Variants in MAML3 observed in about 807,000 individuals in gnomAD.
The protein encoded by MAML3 is mastermind-like protein 3.
In MAML3, 27 loss-of-function variants were observed where a neutral mutation model predicts 101.9. The observed-to-expected ratio is 0.27, with a 90% CI of 0.20 to 0.37. The LOEUF is 0.37. Among genes scored for constraint, MAML3 ranks in the 10% least tolerant of loss-of-function variants. MAML3 has a pLI of 1.00. For missense variants in MAML3, 1,316 were observed against 1,444.9 expected, an observed-to-expected ratio of 0.91 and a Z score of 1.45; for synonymous variants, 501 against 555.9, an observed-to-expected ratio of 0.90 and a Z score of 1.39.
intron 2 of MAML3, among the ~76,000 whole-genome samples, chr4:139,812,058 C>A (rs1730806667): frequency 6.6e-6 from 1 of 152,080 alleles, no homozygotes; most frequent in Non-Finnish European, 1.5e-5. Flanking sequence ...GAGTTAGAGA[C>A]CAGCCTGGCA....
chr4:139,911,923 A>C (rs575198533), intron 1 of MAML3, among the ~76,000 whole-genome samples: 7 of 152,232 alleles, frequency 4.6e-5, no homozygotes, highest in Non-Finnish European at 1.0e-4. Flanking sequence ...GCCTGGAAAG[A>C]CTAAAACATA....
intron 1 of MAML3, among the ~76,000 whole-genome samples, chr4:140,136,666 C>A (rs912449443): frequency 6.6e-6 from 1 of 152,182 alleles, no homozygotes; most frequent in Non-Finnish European, 1.5e-5. Flanking sequence ...TGCAAAGGAT[C>A]CCCAAATTGG....
At chr4:139,743,497 A>G (rs538821855) in intron 2 of MAML3, among the ~76,000 whole-genome samples, 7 of 152,140 alleles carry the variant, frequency 4.6e-5, no homozygotes, top group Non-Finnish European at 8.8e-5. Flanking sequence ...CAATTTCTCA[A>G]TCAGCAATTA....
intron 1 of MAML3, among the ~76,000 whole-genome samples, chr4:140,049,039 C>CA (rs1357289106): frequency 6.6e-6 from 1 of 152,294 alleles, no homozygotes; most frequent in South Asian, 2.1e-4. Flanking sequence ...TGCAGGTCAA[C>CA]AGACGTCTTT....
chr4:139,796,629 T>A (rs891456896), intron 2 of MAML3, among the ~76,000 whole-genome samples: 6 of 151,990 alleles, frequency 3.9e-5, no homozygotes, highest in Admixed American at 3.9e-4. Context: ...AACCAACCGA[T>A]CAAGATGGAT....
At chr4:140,120,685 AT>A (rs1728593201) in intron 1 of MAML3, among the ~76,000 whole-genome samples, 1 of 152,024 alleles carries the variant, frequency 6.6e-6, no homozygotes, top group South Asian at 2.1e-4. Context: ...TTTCTCCTTA[AT>A]CTTTTTTTTT....
At chr4:139,790,982 T>A (rs905013375) in intron 2 of MAML3, among the ~76,000 whole-genome samples, 25 of 152,162 alleles carry the variant, frequency 1.6e-4, no homozygotes, top group Non-Finnish European at 2.9e-4. Context: ...GATGATATCA[T>A]TTAAAGAGAC....
intron 1 of MAML3, among the ~76,000 whole-genome samples, chr4:140,093,561 C>T (rs1282036889): frequency 6.6e-6 from 1 of 151,874 alleles, no homozygotes; most frequent in East Asian, 1.9e-4. Context: ...GGACTACAGG[C>T]ACCCGCCACC....
intron 1 of MAML3, among the ~76,000 whole-genome samples, chr4:140,118,461 A>C (rs972435108): frequency 2.0e-5 from 3 of 152,216 alleles, no homozygotes; most frequent in Admixed American, 6.5e-5. Context: ...AATGAAAATG[A>C]GGATGAGGTA....
chr4:139,940,687 C>T (rs1196931922), intron 1 of MAML3, among the ~76,000 whole-genome samples: 1 of 152,170 alleles, frequency 6.6e-6, no homozygotes, highest in Non-Finnish European at 1.5e-5. Flanking sequence ...TCTTGGGACC[C>T]CACTTGGCTT....
chr4:139,989,490 C>A (rs1208635463), intron 1 of MAML3, among the ~76,000 whole-genome samples: 1 of 152,102 alleles, frequency 6.6e-6, no homozygotes, highest in Non-Finnish European at 1.5e-5. Flanking sequence ...TTTTGTTGAA[C>A]TTGCCACTGA....
intron 1 of MAML3, among the ~76,000 whole-genome samples, chr4:140,095,332 C>G (rs1728139264): frequency 1.3e-5 from 2 of 152,156 alleles, no homozygotes; most frequent in Admixed American, 6.5e-5. Flanking sequence ...CTGGACCCCC[C>G]ACTGCTTCTG....
chr4:139,777,992 C>A (rs548419912), intron 2 of MAML3, among the ~76,000 whole-genome samples: 1 of 152,300 alleles, frequency 6.6e-6, no homozygotes, highest in African/African-American at 2.4e-5. Flanking sequence ...TTTTGTCATT[C>A]TGTCTCAGCT....
intron 1 of MAML3, among the ~76,000 whole-genome samples, chr4:140,037,100 C>G (rs1726998666): frequency 6.6e-6 from 1 of 151,970 alleles, no homozygotes; most frequent in Non-Finnish European, 1.5e-5. Flanking sequence ...ATCTTTTAGT[C>G]CACTGACGAT....
At chr4:139,889,139 C>T in intron 2 of MAML3, 3 of 861,922 alleles carry the variant, frequency 3.5e-6, no homozygotes, top group Non-Finnish European at 5.9e-6. Context: ...GATTCCTAGA[C>T]ACTGAAATAC....
intron 1 of MAML3, among the ~76,000 whole-genome samples, chr4:139,981,243 G>A (rs1734438265): frequency 6.6e-6 from 1 of 152,150 alleles, no homozygotes; most frequent in African/African-American, 2.4e-5. Context: ...AGACACCCCG[G>A]TGTTTCTTTT....
At chr4:139,828,996 AGG>A (rs1731113315) in intron 2 of MAML3, among the ~76,000 whole-genome samples, 2 of 135,702 alleles carry the variant, frequency 1.5e-5, no homozygotes, top group African/African-American at 5.4e-5. Context: ...GAAGGAAGGA[AGG>A]AAGGAAGGAA....
intron 1 of MAML3, among the ~76,000 whole-genome samples, chr4:140,043,912 A>G (rs1177967856): frequency 2.0e-5 from 3 of 152,236 alleles, no homozygotes; most frequent in African/African-American, 7.2e-5. Context: ...TGTTAATACC[A>G]GGAAAAGTAA....
intron 2 of MAML3, among the ~76,000 whole-genome samples, chr4:139,786,365 G>A (rs940107157): frequency 1.3e-5 from 2 of 152,020 alleles, no homozygotes; most frequent in African/African-American, 4.8e-5. Flanking sequence ...GGGAAAAGTG[G>A]AGTCTCACGG....
Sources: allele counts gnomAD v4.1 joint callset (sites outside exome capture counted in the v4.1 genomes callset), GRCh38; gene constraint gnomAD v4.1.1; transcripts MANE v1.5; gene names NCBI Gene and HGNC (gene_info 2026-07-23, HGNC 2026-07-21).